Variants in TNN observed in about 807,000 individuals in gnomAD.
TNN encodes the protein tenascin-N.
TNN carries 122 observed loss-of-function variants against 134.4 expected under a neutral mutation model. That is an observed-to-expected ratio of 0.91 (90% CI 0.78 to 1.06). TNN has a LOEUF of 1.06. TNN is among the 50% of genes least tolerant of loss of function. The pLI, the probability that TNN is intolerant of heterozygous loss-of-function variation, is 0.00. For synonymous variants in TNN, 710 were observed against 670.3 expected (o/e 1.06, Z -0.91); for missense variants, 1,739 against 1,699.4 (o/e 1.02, Z -0.41).
intron 2 of TNN, 66 bp downstream of exon 2, chr1:175,077,893 C>G: frequency 1.3e-6 from 2 of 1,492,736 alleles, no homozygotes; most frequent in Non-Finnish European, 1.8e-6. Context: ...GCCAGGGTTT[C>G]CACTAGCCTC....
chr1:175,094,369 G>C (rs945763389), intron 7 of TNN, 116 bp downstream of exon 7: 2 of 1,128,126 alleles, frequency 1.8e-6, no homozygotes, highest in African/African-American at 3.2e-5. Context: ...GGAGTGGGGA[G>C]GAGGTTGCAA....
intron 6 of TNN, among the ~76,000 whole-genome samples, chr1:175,091,735 T>C (rs549872984): frequency 7.2e-5 from 11 of 151,982 alleles, no homozygotes; most frequent in Non-Finnish European, 1.2e-4. Flanking sequence ...ATTACAGGCA[T>C]GTACCACCCT....
At chr1:175,080,087 T>G in intron 3 of TNN, 76 bp from the exon 4 acceptor site, 2 of 1,569,474 alleles carry the variant, frequency 1.3e-6, no homozygotes, top group Non-Finnish European at 1.7e-6. Context: ...ACCCTTATAG[T>G]GCTCAGGGAA....
At position 175,105,819 on chromosome 1, in the gene TNN, C is replaced by T. The variant is rs1410630012; in HGVS notation, c.2119+7224C>T. The stretch of plus-strand genomic sequence containing the variant: ...CCCATATGAAAGACAAAACCGCCCA[C>T]AGTTTTGGTTTGTTTTGTTTCTCTC... On this transcript the variant is annotated intron_variant, in intron 9 of 18. Transcript: ENST00000239462. Among the ~76,000 whole-genome samples, 4 of 145,104 alleles carry T rather than the reference C, an allele frequency of 2.8e-5. 1 individual carries two copies. The highest frequency in any genetic ancestry group is 9.9e-5 in the African/African-American group (4 of 40,248).
chr1:175,118,613 C>T lies in TNN; in HGVS notation c.2439C>T (p.Ala813=). 1 of 1,614,210 alleles carries T rather than the reference C, an allele frequency of 6.2e-7. No individual in the cohort carries two copies. The change falls in exon 11 of 19, where the codon GCC becomes GCT. Residue 813 remains alanine (A), a synonymous_variant. Coordinates refer to ENST00000239462, the MANE Select transcript of TNN (RefSeq NM_022093.2). The part of the protein sequence containing the change: ...LVTDWVTENT[A]TVSWDPVQAT... ...CTGACTGGGTGACAGAGAATACAGC[C>T]ACTGTCTCCTGGGACCCGGTGCAGG...
rs188666111 is a variant in TNN at position 175,104,670 on chromosome 1, C to T, written c.2119+6075C>T. 2.2e-3 allele frequency among the ~76,000 whole-genome samples: 321 copies of T among 145,398 alleles called. 19 individuals carry two copies. The highest frequency in any genetic ancestry group is 7.5e-3 in the African/African-American group (303 of 40,480). On this transcript the variant is annotated intron_variant, in intron 9 of 18. Transcript: ENST00000239462. ...TCCCTATTATAGAACACCAAGGTTG[C>T]CAGGTTTAATAATGTCTCTAGATTT...
chr1:175,070,774 G>A (rs549383006), intron 1 of TNN, among the ~76,000 whole-genome samples: 1 of 152,302 alleles, frequency 6.6e-6, no homozygotes, highest in African/African-American at 2.4e-5. Flanking sequence ...ATACAGAGGT[G>A]AAATCGGTCC....
At chr1:175,101,607 A>G (rs938609023) in intron 9 of TNN, among the ~76,000 whole-genome samples, 1 of 149,236 alleles carries the variant, frequency 6.7e-6, no homozygotes, top group African/African-American at 2.4e-5. Context: ...TGCGTTTACA[A>G]TCCCTGAGCT....
At position 175,097,706 on chromosome 1, in the gene TNN, T is replaced by C. The variant is rs377385803; in HGVS notation, c.1855+23T>C. ...CAGGTAACAAAAGAGAGATGGTCAA[T>C]TGGAATTGAGTTTTAGCTTGTGGAT... is the stretch of plus-strand genomic sequence containing the variant. On this transcript the variant is annotated intron_variant, in intron 8 of 18. Coordinates refer to ENST00000239462, the MANE Select transcript of TNN (RefSeq NM_022093.2). 114 of 1,613,574 alleles carry C rather than the reference T, an allele frequency of 7.1e-5. No homozygotes were observed. The Middle Eastern group carries it at 9.9e-4, about 14-fold the overall frequency.
rs990510303 is a variant in TNN, at chr1:175,118,785, A to G, written c.2611A>G (p.Asn871Asp). ...YTVHVWAQKG[N>D]QESKKADTKA... ...GGTGCACGTGTGGGCCCAGAAGGGGAACCAGGAGAGCAAGAAGGCTGACAC... is the reference window on the plus strand; with the variant it reads ...GGTGCACGTGTGGGCCCAGAAGGGGGACCAGGAGAGCAAGAAGGCTGACAC... The change falls in exon 11 of 19, where the codon AAC (asparagine) becomes GAC (aspartate). Residue 871 changes from asparagine (N) to aspartate (D), a missense_variant. Coordinates refer to ENST00000239462, the MANE Select transcript of TNN (RefSeq NM_022093.2). The G allele has an allele frequency of 3.1e-6, 5 of 1,614,052 alleles. No individual in the cohort carries two copies. The highest frequency in any genetic ancestry group is 1.6e-4 in the Middle Eastern group (1 of 6,084).
chr1:175,087,797 A>G (rs4650697), intron 6 of TNN, among the ~76,000 whole-genome samples: 82,921 of 152,052 alleles, frequency 0.55, 23,159 homozygotes, highest in African/African-American at 0.68. Flanking sequence ...CACAGTCCCC[A>G]GGTTAGGACC....
chr1:175,090,281 C>T (rs1166296882), intron 6 of TNN, among the ~76,000 whole-genome samples: 1 of 152,166 alleles, frequency 6.6e-6, no homozygotes, highest in Non-Finnish European at 1.5e-5. Flanking sequence ...AAGGGCTGAC[C>T]TCTCTGAGTG....
At position 175,086,516 on chromosome 1, in the gene TNN, C is replaced by T. The variant is rs1393233476; in HGVS notation, c.1324+1022C>T. Among the ~76,000 whole-genome samples the T allele has an allele frequency of 3.3e-5, 5 of 152,156 alleles. No homozygotes were observed. In the East Asian group the frequency reaches 5.8e-4, roughly 18 times the overall value. ...CTGTGATCTAGAACATAGTGCCATT[C>T]GGGGAGACTAATCCTTGGAGCTGGT... On this transcript the variant is annotated intron_variant, in intron 6 of 18. Coordinates refer to ENST00000239462, the MANE Select transcript of TNN (RefSeq NM_022093.2).
intron 11 of TNN, among the ~76,000 whole-genome samples, chr1:175,121,194 G>A (rs937657044): frequency 5.3e-5 from 8 of 152,358 alleles, no homozygotes; most frequent in Admixed American, 3.3e-4. Flanking sequence ...GGACTGTGCC[G>A]ATTATAGAAT....
chr1:175,079,358 CG>C lies in TNN; in HGVS notation c.438del (p.Thr147ProfsTer134). On this transcript the variant is annotated frameshift_variant, in exon 3 of 19. Coordinates refer to ENST00000239462, the MANE Select transcript of TNN (RefSeq NM_022093.2). LOFTEE classifies it high-confidence loss of function. Reference protein sequence around the residue: ...TDLSRHCSGHGTFSLETCSCH... With the variant: ...TDLSRHCSGHXTFSLETCSCH... ...ATCTAAGCCGCCACTGCAGCGGCCACGGGACCTTCTCCCTGGAGACCTGCAG... is the reference window on the plus strand; with the variant it reads ...ATCTAAGCCGCCACTGCAGCGGCCACGGACCTTCTCCCTGGAGACCTGCAG... The C allele has an allele frequency of 6.3e-7, 1 of 1,597,790 alleles. No individual in the cohort carries two copies. Among genetic ancestry groups the C allele is most frequent in the South Asian group, 1.1e-5 (1 of 90,232 alleles).
rs1246080393 is a variant in TNN, at chr1:175,098,602, A to G, written c.2119+7A>G. ...GACACCAAGGCCCAGACAGGTAAGG[A>G]GTGTGCATTATTGCTGTGCCGATGC... is the stretch of plus-strand genomic sequence containing the variant. On this transcript the variant is annotated splice_region_variant and intron_variant, in intron 9 of 18. Coordinates refer to ENST00000239462, the MANE Select transcript of TNN (RefSeq NM_022093.2). 6.2e-7 allele frequency: 1 copy of G among 1,613,894 alleles called. No homozygotes were observed. The highest frequency in any genetic ancestry group is 2.2e-5 in the East Asian group (1 of 44,870).
chr1:175,069,916 G>C (rs1673879325), intron 1 of TNN, among the ~76,000 whole-genome samples: 1 of 152,242 alleles, frequency 6.6e-6, no homozygotes, highest in Non-Finnish European at 1.5e-5. Flanking sequence ...CAACACGTTA[G>C]CTAAAGAAAG....
In TNN at chr1:175,123,576, C is replaced by A; in HGVS notation, c.2827C>A (p.Leu943Met). 1 of 1,614,038 alleles carries A rather than the reference C, an allele frequency of 6.2e-7. No homozygotes were observed. Among genetic ancestry groups the A allele is most frequent in the Non-Finnish European group, 8.5e-7 (1 of 1,179,956 alleles). Reference sequence around the variant, plus strand: ...GCACAGCAGCACTGTCCTGACGGGCCTGAGACCAGGCATGGAGTACATGGT... The same window carrying A: ...GCACAGCAGCACTGTCCTGACGGGCATGAGACCAGGCATGGAGTACATGGT... ...KEHSSTVLTG[L>M]RPGMEYMVHV... Residue 943 changes from leucine to methionine, a missense_variant, in exon 12 of 19, where the codon CTG becomes ATG. Leu to Met is a conservative substitution (Grantham distance 15). Coordinates refer to ENST00000239462, the MANE Select transcript of TNN (RefSeq NM_022093.2).
At chr1:175,080,116 C>G (rs771493696) in intron 3 of TNN, 47 bp from the exon 4 acceptor site, 3 of 1,601,334 alleles carry the variant, frequency 1.9e-6, no homozygotes, top group African/African-American at 1.3e-5. Context: ...GGGTCTGGAT[C>G]GCCTCCCTTG....
Sources: gnomAD v4.1 joint callset for allele counts (sites outside exome capture counted in the v4.1 genomes callset) on GRCh38, gnomAD v4.1.1 for gene constraint, MANE v1.5 for transcripts, NCBI Gene and HGNC (gene_info 2026-07-23, HGNC 2026-07-21) for gene names.